NLGN4Y: variants seen among roughly 807,000 people sequenced by gnomAD.
NLGN4Y encodes the protein neuroligin-4, Y-linked.
In NLGN4Y, 4 loss-of-function variants were observed where a neutral mutation model predicts 8.4. The observed-to-expected ratio is 0.48, with a 90% CI of 0.23 to 1.09. NLGN4Y has a LOEUF of 1.09. Ranked by LOEUF, NLGN4Y falls within the 50% of genes least tolerant of loss-of-function variation. NLGN4Y has a pLI of 0.19. For synonymous variants in NLGN4Y, 35 were observed against 75.6 expected, an observed-to-expected ratio of 0.46 and a Z score of 2.78; for missense variants, 90 against 192.3, an observed-to-expected ratio of 0.47 and a Z score of 3.15.
intron 1 of NLGN4Y, among the ~76,000 whole-genome samples, chrY:14,548,879 C>A (rs34334142): frequency 9.0e-4 from 30 of 33,373 alleles, no homozygotes; most frequent in Non-Finnish European, 2.1e-3. Context: ...CCATAAATGC[C>A]ACCCTTGAGT....
At chrY:14,600,167 C>G (rs760040896) in intron 1 of NLGN4Y, among the ~76,000 whole-genome samples, 491 of 31,054 alleles carry the variant, frequency 0.016, no homozygotes, top group Non-Finnish European at 0.028. Flanking sequence ...TATTAAGCTC[C>G]TATGTTATAT....
chrY:14,570,190 T>A, intron 1 of NLGN4Y, among the ~76,000 whole-genome samples: 1 of 33,916 alleles, frequency 2.9e-5, no homozygotes, highest in Non-Finnish European at 7.3e-5. Context: ...GGACCTACAA[T>A]TCACACTGTT....
intron 1 of NLGN4Y, among the ~76,000 whole-genome samples, chrY:14,558,049 C>T: frequency 3.0e-5 from 1 of 33,302 alleles, no homozygotes; most frequent in Non-Finnish European, 7.4e-5. Context: ...TAGGCTCCAA[C>T]TTCCTCAGAG....
chrY:14,644,557 C>T, intron 2 of NLGN4Y, among the ~76,000 whole-genome samples: 2 of 33,145 alleles, frequency 6.0e-5, no homozygotes, highest in Non-Finnish European at 1.5e-4. Flanking sequence ...AATCTCAGAG[C>T]ACATCCTTCA....
intron 4 of NLGN4Y, among the ~76,000 whole-genome samples, chrY:14,723,813 C>CT (rs2080946523): frequency 3.0e-4 from 9 of 30,039 alleles, no homozygotes; most frequent in Admixed American, 6.1e-4. Context: ...TGTTAGTTGA[C>CT]TTTTTTTTTT....
intron 5 of NLGN4Y, among the ~76,000 whole-genome samples, chrY:14,826,915 C>T: frequency 3.0e-5 from 1 of 32,867 alleles, no homozygotes; most frequent in Non-Finnish European, 7.5e-5. Flanking sequence ...CCTGTCTAAA[C>T]ATAAAGAAAT....
chrY:14,681,788 C>T, intron 2 of NLGN4Y, among the ~76,000 whole-genome samples: 1 of 32,499 alleles, frequency 3.1e-5, no homozygotes, highest in Non-Finnish European at 7.5e-5. Flanking sequence ...CCCATTTCAA[C>T]CAACCTGGCA....
chrY:14,627,530 G>T, intron 2 of NLGN4Y, among the ~76,000 whole-genome samples: 2 of 35,024 alleles, frequency 5.7e-5, no homozygotes, highest in Non-Finnish European at 1.5e-4. Context: ...CGCTGCTCCT[G>T]GCCCGAGTGC....
At chrY:14,638,349 T>C (rs2080575967) in intron 2 of NLGN4Y, among the ~76,000 whole-genome samples, 1 of 33,683 alleles carries the variant, frequency 3.0e-5, no homozygotes, top group Non-Finnish European at 7.3e-5. Flanking sequence ...GCAAAGGACA[T>C]GAAATTATCC....
chrY:14,572,601 C>G, intron 1 of NLGN4Y, among the ~76,000 whole-genome samples: 1 of 32,862 alleles, frequency 3.0e-5, no homozygotes, highest in Non-Finnish European at 7.4e-5. Context: ...CCTTCTCCTG[C>G]CTGATTGCCC....
At chrY:14,796,204 T>A in intron 4 of NLGN4Y, among the ~76,000 whole-genome samples, 3 of 33,111 alleles carry the variant, frequency 9.1e-5, no homozygotes, top group Non-Finnish European at 1.5e-4. Context: ...TTTGTCAAGA[T>A]TAACATAATA....
intron 4 of NLGN4Y, among the ~76,000 whole-genome samples, chrY:14,788,248 C>T (rs953593839): frequency 6.0e-5 from 2 of 33,490 alleles, no homozygotes; most frequent in Non-Finnish European, 1.5e-4. Context: ...TTTATTATAT[C>T]GCCATTGTGA....
At chrY:14,826,896 G>T (rs2043149104) in intron 5 of NLGN4Y, among the ~76,000 whole-genome samples, 1 of 33,233 alleles carries the variant, frequency 3.0e-5, no homozygotes, top group Non-Finnish European at 7.4e-5. Context: ...CTGGGTGGCA[G>T]AGAGAGACCC....
intron 1 of NLGN4Y, 175 bp downstream of exon 1, chrY:14,524,883 T>A: frequency 8.2e-6 from 1 of 121,872 alleles, no homozygotes; most frequent in South Asian, 3.9e-5. Context: ...CTGGACGCCC[T>A]TTCCTCCCCT....
chrY:14,568,743 C>T, intron 1 of NLGN4Y, among the ~76,000 whole-genome samples: 1 of 32,223 alleles, frequency 3.1e-5, no homozygotes, highest in Admixed American at 2.9e-4. Flanking sequence ...TCATGCTACC[C>T]TCACCCTTTC....
intron 5 of NLGN4Y, 97 bp downstream of exon 5, chrY:14,824,470 A>C: frequency 1.9e-5 from 5 of 258,863 alleles, no homozygotes; most frequent in Non-Finnish European, 3.0e-5. Context: ...GGTTGCCAGA[A>C]GTCACTGTGG....
At chrY:14,681,992 C>T in intron 2 of NLGN4Y, among the ~76,000 whole-genome samples, 1 of 33,798 alleles carries the variant, frequency 3.0e-5, no homozygotes, top group Non-Finnish European at 7.4e-5. Context: ...ATTAACTATT[C>T]ATGACTGATT....
At chrY:14,783,106 T>G in intron 4 of NLGN4Y, among the ~76,000 whole-genome samples, 1 of 33,902 alleles carries the variant, frequency 2.9e-5, no homozygotes, top group Non-Finnish European at 7.3e-5. Context: ...AGCTTAATAC[T>G]TAACATAAAG....
intron 1 of NLGN4Y, among the ~76,000 whole-genome samples, chrY:14,609,763 G>C: frequency 3.0e-5 from 1 of 33,358 alleles, no homozygotes; most frequent in Non-Finnish European, 7.4e-5. Flanking sequence ...TTTTTCTATT[G>C]TTTGGAATCA....
Sources: gnomAD v4.1 joint callset for allele counts (sites outside exome capture counted in the v4.1 genomes callset) on GRCh38, gnomAD v4.1.1 for gene constraint, MANE v1.5 for transcripts, NCBI Gene and HGNC (gene_info 2026-07-23, HGNC 2026-07-21) for gene names.